The following ANO9 variants were observed in gnomAD, a reference collection of about 807,000 sequenced individuals.
ANO9 encodes anoctamin 9.
A neutral mutation model predicts 100.5 loss-of-function variants in ANO9; 80 were observed. That is an observed-to-expected ratio of 0.80 (90% CI 0.66 to 0.96). The LOEUF is 0.96. Among genes scored for constraint, ANO9 ranks in the 40% least tolerant of loss-of-function variants. The pLI is 0.00. For synonymous variants in ANO9, 473 were observed against 435.6 expected (o/e 1.09, Z -1.07); for missense variants, 1,064 against 1,072.7 (o/e 0.99, Z 0.11).
rs999236004 is a variant in ANO9 at position 437,105 on chromosome 11, G to A, written c.7-3007C>T. Among the ~76,000 whole-genome samples, 6 of 148,808 alleles carry A rather than the reference G, an allele frequency of 4.0e-5. 1 individual carries two copies. Among genetic ancestry groups the A allele is most frequent in the East Asian group, 2.0e-4 (1 of 4,950 alleles). On this transcript the variant is annotated intron_variant, in intron 1 of 22. Coordinates refer to ENST00000332826, the MANE Select transcript of ANO9 (RefSeq NM_001012302.3). ...GGGCTCCATGTCCCATCAGATCAGCGGCGGCATTAGATCCTCACAGGAGGA... is the reference window on the plus strand; with the variant it reads ...GGGCTCCATGTCCCATCAGATCAGCAGCGGCATTAGATCCTCACAGGAGGA...
rs74516644 is a variant in ANO9, at chr11:441,143, C to T, written c.6+778G>A. 5.9e-3 allele frequency among the ~76,000 whole-genome samples: 906 copies of T among 152,276 alleles called. 8 individuals carry two copies. The highest frequency in any genetic ancestry group is 0.018 in the African/African-American group (754 of 41,550). ...GGGCGGAGATGGAGCAAGAGGCCGCCGGCGCAGCCCACACGTGGAGGCCCT... is the reference window on the plus strand; with the variant it reads ...GGGCGGAGATGGAGCAAGAGGCCGCTGGCGCAGCCCACACGTGGAGGCCCT... On this transcript the variant is annotated intron_variant, in intron 1 of 22. Transcript: ENST00000332826.
intron 18 of ANO9, 33 bp downstream of exon 18, chr11:420,685 T>A (rs762906100): frequency 2.5e-6 from 4 of 1,601,924 alleles, no homozygotes; most frequent in Non-Finnish European, 3.4e-6. Flanking sequence ...CGCATTCGTC[T>A]CCGCGAACCC....
intron 15 of ANO9, among the ~76,000 whole-genome samples, chr11:425,486 G>A (rs565581400): frequency 4.0e-5 from 6 of 151,450 alleles, no homozygotes; most frequent in African/African-American, 1.5e-4. Flanking sequence ...AAAACAAAGA[G>A]CTGTACAATA....
At position 428,342 on chromosome 11, in the gene ANO9, G is replaced by T; in HGVS notation, c.1222+16C>A. The T allele has an allele frequency of 6.2e-7, 1 of 1,612,370 alleles. No individual in the cohort carries two copies. ...CCCGCCGGGTCCCCCAAGAGGGTCT[G>T]GGGTAGTCCTCTCACCGAAGTCACA... On this transcript the variant is annotated intron_variant, in intron 14 of 22. Coordinates refer to ENST00000332826, the MANE Select transcript of ANO9 (RefSeq NM_001012302.3).
rs1848810335 is a variant in ANO9 at position 430,176 on chromosome 11, C to T, written c.678G>A (p.Lys226=). 1.9e-6 allele frequency: 3 copies of T among 1,551,650 alleles called. No individual in the cohort carries two copies. The highest frequency in any genetic ancestry group is 2.6e-6 in the Non-Finnish European group (3 of 1,147,902). Reference sequence around the variant, plus strand: ...GGATGTCGTGGGCCTCACAGATCTCCTTGCTGAAGGGGCAGGGATGAGGCT... The same window carrying T: ...GGATGTCGTGGGCCTCACAGATCTCTTTGCTGAAGGGGCAGGGATGAGGCT... The part of the protein sequence containing the change: ...FSLFEASQIS[K]EICEAHDILM... Residue 226 remains lysine, a synonymous_variant, in exon 9 of 23, where the codon AAG becomes AAA. Transcript: ENST00000332826.
intron 15 of ANO9, among the ~76,000 whole-genome samples, chr11:425,815 T>C (rs901437117): frequency 6.6e-6 from 1 of 152,078 alleles, no homozygotes; most frequent in African/African-American, 2.4e-5. Flanking sequence ...CACTGCAGGC[T>C]CTGCCTCCCG....
At chr11:420,209 C>T (rs1232991514) in intron 19 of ANO9, 21 of 1,407,694 alleles carry the variant, frequency 1.5e-5, no homozygotes, top group Non-Finnish European at 1.9e-5. Flanking sequence ...CTGGGTCCCC[C>T]TTGGGGGCGT....
intron 1 of ANO9, among the ~76,000 whole-genome samples, 165 bp downstream of exon 1, chr11:441,756 T>G (rs1845889517): frequency 6.6e-6 from 1 of 152,010 alleles, no homozygotes. Context: ...GCAGCTTAGC[T>G]GAGCCGGGCG....
Position 431,926 on chromosome 11 carries a change from G to C in ANO9, c.407-20C>G. 2 of 1,611,164 alleles carry C rather than the reference G, an allele frequency of 1.2e-6. No homozygotes were observed. The highest frequency in any genetic ancestry group is 1.7e-6 in the Non-Finnish European group (2 of 1,178,454). ...AGGTCTCTGGGTCACAGGGGTTCAC[G>C]AGTCAGGGGGAGTGAGGTGCTGGGA... is the stretch of plus-strand genomic sequence containing the variant. On this transcript the variant is annotated intron_variant, in intron 5 of 22. Coordinates refer to ENST00000332826, the MANE Select transcript of ANO9 (RefSeq NM_001012302.3).
At chr11:424,033 C>T (rs184263789) in intron 15 of ANO9, among the ~76,000 whole-genome samples, 35 of 152,164 alleles carry the variant, frequency 2.3e-4, no homozygotes, top group East Asian at 7.7e-4. Context: ...CTCAGCCTCC[C>T]GAGTAGCTGG....
In ANO9 at chr11:430,395, A is replaced by G. The variant is rs774373882; in HGVS notation, c.548T>C (p.Phe183Ser). The G allele has an allele frequency of 9.3e-6, 14 of 1,512,488 alleles. No homozygotes were observed. Among genetic ancestry groups the G allele is most frequent in the Non-Finnish European group, 9.0e-6 (10 of 1,117,114 alleles). 93.7% of individuals were successfully genotyped at this position (1,512,488 alleles called of 1,614,324 possible). Residue 183 changes from phenylalanine to serine, a missense_variant, in exon 8 of 23, where the codon TTT becomes TCT. By Grantham distance (155) the Phe-to-Ser change is radical (BLOSUM62 -2). Coordinates refer to ENST00000332826, the MANE Select transcript of ANO9 (RefSeq NM_001012302.3). ...GAAGTACAGGGCCACCTTTTCCCCA[A>G]AGTAGTTCCTGCAGGCAGCAGGGGT... ...EQPVDEIRNYFGEKVALYFVW... is the reference protein window; with the variant it reads ...EQPVDEIRNYSGEKVALYFVW...
At chr11:425,904 AT>A (rs1033122860) in intron 15 of ANO9, among the ~76,000 whole-genome samples, 22 of 85,600 alleles carry the variant, frequency 2.6e-4, no homozygotes, top group Admixed American at 1.8e-3. Flanking sequence ...AATTTTTTGT[AT>A]TTTTTTTTAG....
chr11:440,827 G>T (rs1203603416), intron 1 of ANO9: 1 of 152,342 alleles, frequency 6.6e-6, no homozygotes, highest in African/African-American at 2.4e-5. Context: ...CACGACGCCC[G>T]GGTTCAAGCA....
intron 1 of ANO9, among the ~76,000 whole-genome samples, chr11:435,558 A>AGTCTAGTATG (rs1380103502): frequency 7.4e-5 from 10 of 135,468 alleles, no homozygotes; most frequent in Non-Finnish European, 9.9e-5. Flanking sequence ...GGTCTAGTCT[A>AGTCTAGTATG]GTCTAGTCTA....
chr11:438,324 C>T (rs1437806425), intron 1 of ANO9, among the ~76,000 whole-genome samples: 2 of 151,594 alleles, frequency 1.3e-5, no homozygotes, highest in Non-Finnish European at 2.9e-5. Flanking sequence ...GTGTAGCCCC[C>T]GCCGACACAC....
Position 421,048 on chromosome 11 carries a change from G to A in ANO9, c.1393-6C>T. 1.2e-6 allele frequency: 2 copies of A among 1,600,142 alleles called. No homozygotes were observed. Among genetic ancestry groups the A allele is most frequent in the Non-Finnish European group, 1.7e-6 (2 of 1,170,122 alleles). On this transcript the variant is annotated splice_region_variant and splice_polypyrimidine_tract_variant and intron_variant, in intron 16 of 22. Transcript: ENST00000332826. This position sits in a 1 kb window ranked among gnomAD's most constrained non-coding sequence, Gnocchi z 6.8. ...ATGCAGCCGCTGGCGTGGCACTGCGGGGCCAGACAGGAGGAGATCAGGGAG... is the reference window on the plus strand; with the variant it reads ...ATGCAGCCGCTGGCGTGGCACTGCGAGGCCAGACAGGAGGAGATCAGGGAG...
Position 433,408 on chromosome 11 carries a change from C to T in ANO9, c.256G>A (p.Val86Ile). 1.2e-6 allele frequency: 2 copies of T among 1,613,352 alleles called. No individual in the cohort carries two copies. Among genetic ancestry groups the T allele is most frequent in the Non-Finnish European group, 1.7e-6 (2 of 1,179,914 alleles). Residue 86 changes from valine to isoleucine, a missense_variant, in exon 4 of 23, where the codon GTC becomes ATC. Transcript: ENST00000332826. ...AGGAGAGTGCGGTACAGGCCAAAGA[C>T]ACTGTTGTCAGCACGGATCCCAAAG... Reference protein sequence around the residue: ...VFFGIRADNSVFGLYRTLLLE... With the variant: ...VFFGIRADNSIFGLYRTLLLE...
Position 420,498 on chromosome 11 carries a change from T to A in ANO9, c.1751A>T (p.Gln584Leu), listed in dbSNP as rs1848107589. The change falls in exon 19 of 23, where the codon CAG becomes CTG. Residue 584 changes from glutamine to leucine, a missense_variant. Coordinates refer to ENST00000332826, the MANE Select transcript of ANO9 (RefSeq NM_001012302.3). Reference sequence around the variant, plus strand: ...GGCCTTGCGCGGCACCAGGCGCCGCTGCAACCAGACCATCTTGATGGCGTC... The same window carrying A: ...GGCCTTGCGCGGCACCAGGCGCCGCAGCAACCAGACCATCTTGATGGCGTC... ...RLDAIKMVWL[Q>L]RRLVPRKAKD... 1.2e-6 allele frequency: 2 copies of A among 1,604,616 alleles called. No individual in the cohort carries two copies. The highest frequency in any genetic ancestry group is 1.7e-6 in the Non-Finnish European group (2 of 1,179,572).
In ANO9 at chr11:421,455, A is replaced by C. The variant is rs868057359; in HGVS notation, c.1335-257T>G. Among the ~76,000 whole-genome samples the C allele has an allele frequency of 0.037, 3,526 of 96,408 alleles. 101 individuals carry two copies. Among genetic ancestry groups the C allele is most frequent in the Middle Eastern group, 0.11 (21 of 196 alleles). The allele number at this position is 96,408 out of a possible 152,430, so 63.2% of individuals were successfully genotyped here. On this transcript the variant is annotated intron_variant, in intron 15 of 22. Coordinates refer to ENST00000332826, the MANE Select transcript of ANO9 (RefSeq NM_001012302.3). This position sits in a 1 kb window ranked among gnomAD's most constrained non-coding sequence, Gnocchi z 6.8. ...CGTGGGCGCGCGCACACACACACAC[A>C]CCCCCACACAGGGGAGGCCACAGGC...
Sources: allele counts gnomAD v4.1 joint callset (sites outside exome capture counted in the v4.1 genomes callset), GRCh38; gene constraint gnomAD v4.1.1; non-coding constraint Gnocchi (gnomAD v3.1); transcripts MANE v1.5; gene names NCBI Gene and HGNC (gene_info 2026-07-23, HGNC 2026-07-21).